Variants in ERAP1 observed in about 807,000 individuals in gnomAD.
ERAP1 encodes endoplasmic reticulum aminopeptidase 1.
ERAP1 carries 86 observed loss-of-function variants against 103.7 expected under a neutral mutation model. The observed-to-expected ratio is 0.83, with a 90% CI of 0.70 to 0.99. The LOEUF (loss-of-function observed/expected upper bound fraction) is 0.99, where lower values mean the gene tolerates loss of function less well. Among genes scored for constraint, ERAP1 ranks in the 50% least tolerant of loss-of-function variants. The pLI, the probability that ERAP1 is intolerant of heterozygous loss-of-function variation, is 0.00. For synonymous variants in ERAP1, 398 were observed against 402.4 expected (o/e 0.99, Z 0.13); for missense variants, 1,009 against 1,128.4 (o/e 0.89, Z 1.52).
rs959442105 is a variant in ERAP1, at chr5:96,775,909, C to T, written c.*487G>A. The T allele has an allele frequency of 1.0e-6, 1 of 979,736 alleles. No homozygotes were observed. Among genetic ancestry groups the T allele is most frequent in the Admixed American group, 5.6e-5 (1 of 17,858 alleles). The allele number at this position is 979,736 out of a possible 1,614,324, so 60.7% of individuals were successfully genotyped here. A position where few individuals can be genotyped will look rare whatever the true frequency, so the allele number is the denominator to read the frequency against. On this transcript the variant is annotated 3_prime_UTR_variant, in exon 19 of 19. Transcript: ENST00000443439. Reference sequence around the variant, plus strand: ...TGGCCTTTACAAGTCAGCCCCTGGGCATGGAGCAAGGAAGAGGGATGGGCA... The same window carrying T: ...TGGCCTTTACAAGTCAGCCCCTGGGTATGGAGCAAGGAAGAGGGATGGGCA...
the ERAP1 span, among the ~76,000 whole-genome samples, chr5:96,844,049 C>G: frequency 6.6e-5 from 10 of 152,260 alleles, no homozygotes; most frequent in Admixed American, 3.3e-4. Context: ...AGGTCTTAAG[C>G]CTGAACTGCC....
chr5:96,828,459 T>G, the ERAP1 span, among the ~76,000 whole-genome samples: 1 of 152,132 alleles, frequency 6.6e-6, no homozygotes, highest in Non-Finnish European at 1.5e-5. Flanking sequence ...ATTTAAATAT[T>G]TACTAAGAGA....
At chr5:96,903,526 G>GT in the ERAP1 span, 1 of 1,610,594 alleles carries the variant, frequency 6.2e-7, no homozygotes, top group Non-Finnish European at 8.5e-7. Flanking sequence ...TAAGGACAGA[G>GT]TAGGTCTGAT....
the ERAP1 span, among the ~76,000 whole-genome samples, chr5:96,930,993 A>G: frequency 6.6e-6 from 1 of 152,144 alleles, no homozygotes; most frequent in Non-Finnish European, 1.5e-5. Flanking sequence ...TGGGCAAAGC[A>G]TATCATGTGT....
Position 96,775,151 on chromosome 5 carries a change from C to T in ERAP1, c.*1245G>A, listed in dbSNP as rs1773942509. On this transcript the variant is annotated 3_prime_UTR_variant, in exon 19 of 19. Transcript: ENST00000443439. ...ATTCTTAGGGTATTAACTGACTTGA[C>T]TTGAACTCCGTTGGTTTACCATGTT... is the stretch of plus-strand genomic sequence containing the variant. 10 of 985,486 alleles carry T rather than the reference C, an allele frequency of 1.0e-5. No homozygotes were observed. Among genetic ancestry groups the T allele is most frequent in the Non-Finnish European group, 9.6e-6 (8 of 829,926 alleles). The allele number at this position is 985,486 out of a possible 1,614,324, so 61.0% of individuals were successfully genotyped here.
chr5:96,881,531 A>G, the ERAP1 span: 5 of 453,406 alleles, frequency 1.1e-5, no homozygotes, highest in East Asian at 6.9e-5. Flanking sequence ...ATTGTGTTCA[A>G]TTGCCAGTTG....
In ERAP1 at chr5:96,790,575, C is replaced by T. The variant is rs774110557; in HGVS notation, c.1389G>A (p.Gln463=). Residue 463 remains glutamine (Q), a synonymous_variant, in exon 9 of 19, where the codon CAG becomes CAA. Coordinates refer to ENST00000443439, the MANE Select transcript of ERAP1 (RefSeq NM_001040458.3). ...SADAFKSGIV[Q]YLQKHSYKNT... ...TTTTATAGCTATGCTTCTGGAGATA[C>T]TGTACAATACCACTTTTAAATGCGT... 10 of 1,612,916 alleles carry T rather than the reference C, an allele frequency of 6.2e-6. No homozygotes were observed. Among genetic ancestry groups the T allele is most frequent in the African/African-American group, 1.3e-5 (1 of 74,902 alleles).
chr5:96,819,444 G>A, the ERAP1 span, among the ~76,000 whole-genome samples: 1 of 152,146 alleles, frequency 6.6e-6, no homozygotes, highest in Admixed American at 6.5e-5. Context: ...AAGAAAAATT[G>A]CTGTGAGAGG....
intron 19 of ERAP1, chr5:96,766,149 A>G: frequency 6.5e-7 from 1 of 1,530,392 alleles, no homozygotes; most frequent in Non-Finnish European, 9.0e-7. Flanking sequence ...TGGACAGGTA[A>G]ACTGAGGCAA....
At chr5:96,811,405 T>A (rs972180403), upstream of ERAP1, among the ~76,000 whole-genome samples, 1 of 152,240 alleles carries the variant, frequency 6.6e-6, no homozygotes, top group Non-Finnish European at 1.5e-5. Flanking sequence ...AGCTCCATTT[T>A]TCTAGAATGA....
At chr5:96,839,609 G>A in the ERAP1 span, among the ~76,000 whole-genome samples, 1 of 151,924 alleles carries the variant, frequency 6.6e-6, no homozygotes, top group Non-Finnish European at 1.5e-5. Flanking sequence ...GATATATATC[G>A]ACACGGTCCA....
the ERAP1 span, chr5:96,896,668 T>TA: frequency 6.7e-7 from 1 of 1,501,078 alleles, no homozygotes; most frequent in African/African-American, 1.4e-5. Context: ...AAGCTTCCTT[T>TA]AAAAACATAC....
At chr5:96,912,278 T>C in the ERAP1 span, among the ~76,000 whole-genome samples, 1 of 151,658 alleles carries the variant, frequency 6.6e-6, no homozygotes, top group Non-Finnish European at 1.5e-5. Context: ...AAAAAAAATC[T>C]TATAGCACCA....
chr5:96,852,336 G>A, the ERAP1 span, among the ~76,000 whole-genome samples: 1 of 152,142 alleles, frequency 6.6e-6, no homozygotes, highest in Non-Finnish European at 1.5e-5. Context: ...CCATCTGTGT[G>A]TAATATTCAG....
intron 3 of ERAP1, 91 bp downstream of exon 3, chr5:96,800,771 G>A (rs1396849104): frequency 2.0e-5 from 27 of 1,375,210 alleles, no homozygotes; most frequent in Admixed American, 1.3e-4. Context: ...AAACAAAACA[G>A]GTGACCCAAT....
chr5:96,901,988 A>G, the ERAP1 span, among the ~76,000 whole-genome samples: 1 of 152,232 alleles, frequency 6.6e-6, no homozygotes, highest in African/African-American at 2.4e-5. Flanking sequence ...TCCCATACAA[A>G]CAGCAGAAAT....
At chr5:96,796,907 G>C (rs1243806702) in intron 4 of ERAP1, among the ~76,000 whole-genome samples, 3 of 152,134 alleles carry the variant, frequency 2.0e-5, no homozygotes, top group Non-Finnish European at 4.4e-5. Context: ...ATCCTCCCTA[G>C]TAGCTAGGAC....
the ERAP1 span, among the ~76,000 whole-genome samples, chr5:96,930,606 T>C: frequency 6.6e-6 from 1 of 152,170 alleles, no homozygotes; most frequent in Non-Finnish European, 1.5e-5. Context: ...CTTTCCAAAT[T>C]TGTGAACCTC....
At chr5:96,861,039 C>T in the ERAP1 span, among the ~76,000 whole-genome samples, 1 of 152,126 alleles carries the variant, frequency 6.6e-6, no homozygotes, top group South Asian at 2.1e-4. Context: ...CAAAACCTGC[C>T]TTTGTGATTC....
Sources: allele counts gnomAD v4.1 joint callset (sites outside exome capture counted in the v4.1 genomes callset), GRCh38; gene constraint gnomAD v4.1.1; transcripts MANE v1.5; gene names NCBI Gene and HGNC (gene_info 2026-07-23, HGNC 2026-07-21).